Variants in CBFA2T2 observed in about 807,000 individuals in gnomAD.
CBFA2T2 encodes protein CBFA2T2.
In CBFA2T2, 11 loss-of-function variants were observed where a neutral mutation model predicts 62.2. That is an observed-to-expected ratio of 0.18 (90% CI 0.11 to 0.29). The LOEUF is 0.29. Ranked by LOEUF, CBFA2T2 falls within the 10% of genes least tolerant of loss-of-function variation. The pLI, the probability that CBFA2T2 is intolerant of heterozygous loss-of-function variation, is 1.00. For missense variants in CBFA2T2, 592 were observed against 774.1 expected, an observed-to-expected ratio of 0.76 and a Z score of 2.79; for synonymous variants, 295 against 287.5, an observed-to-expected ratio of 1.03 and a Z score of -0.27.
chr20:33,570,946 C>T (rs1437218144), intron 1 of CBFA2T2, among the ~76,000 whole-genome samples: 1 of 152,192 alleles, frequency 6.6e-6, no homozygotes, highest in Non-Finnish European at 1.5e-5. Flanking sequence ...TGGCAAATAA[C>T]CACAAGTGCT....
At chr20:33,615,541 C>G (rs779504645) in intron 3 of CBFA2T2, among the ~76,000 whole-genome samples, 2 of 152,186 alleles carry the variant, frequency 1.3e-5, no homozygotes, top group Admixed American at 6.5e-5. Context: ...AAGTCTCATT[C>G]TGGTTCAGAG....
At chr20:33,601,866 G>A (rs890173195) in intron 1 of CBFA2T2, 1 of 150,874 alleles carries the variant, frequency 6.6e-6, no homozygotes, top group Non-Finnish European at 1.5e-5. Flanking sequence ...GCACAGTGGT[G>A]TGATCACAGC....
intron 6 of CBFA2T2, among the ~76,000 whole-genome samples, chr20:33,625,818 A>C (rs1251417101): frequency 2.0e-5 from 3 of 152,106 alleles, no homozygotes; most frequent in African/African-American, 7.2e-5. Context: ...ATGAGGCAGG[A>C]GGGGCTGGGC....
In CBFA2T2 at chr20:33,546,981, A is replaced by C. The variant is rs1323662394; in HGVS notation, c.34+56680A>C. 4.0e-5 allele frequency among the ~76,000 whole-genome samples: 6 copies of C among 150,888 alleles called. No homozygotes were observed. In the East Asian group the frequency reaches 1.2e-3, roughly 30 times the overall value. Reference sequence around the variant, plus strand: ...TTTGGGAGGCCGAGGCGGGTGAATCATCTGAGGTCAGGAGTTCGAGACCAG... The same window carrying C: ...TTTGGGAGGCCGAGGCGGGTGAATCCTCTGAGGTCAGGAGTTCGAGACCAG... On this transcript the variant is annotated intron_variant, in intron 1 of 10. Transcript: ENST00000342704.
intron 1 of CBFA2T2, among the ~76,000 whole-genome samples, chr20:33,552,365 G>C (rs1019794570): frequency 6.6e-6 from 1 of 152,100 alleles, no homozygotes; most frequent in Non-Finnish European, 1.5e-5. Context: ...GGTGACACCT[G>C]GTCCTGTCTT....
chr20:33,585,323 G>A (rs188058820), intron 1 of CBFA2T2, among the ~76,000 whole-genome samples: 18 of 152,204 alleles, frequency 1.2e-4, no homozygotes, highest in Non-Finnish European at 2.1e-4. Context: ...TATCCCCATC[G>A]TGTCATCAGT....
chr20:33,517,924 G>C (rs185752558), intron 1 of CBFA2T2, among the ~76,000 whole-genome samples: 2 of 151,848 alleles, frequency 1.3e-5, no homozygotes, highest in South Asian at 2.1e-4. Context: ...GATTACAGGC[G>C]TGAGCCACCG....
chr20:33,623,922 C>CT (rs1406570795), intron 5 of CBFA2T2: 2 of 651,304 alleles, frequency 3.1e-6, no homozygotes, highest in Non-Finnish European at 5.5e-6. Context: ...ACAGTTCTGC[C>CT]TTTTCCTTGA....
chr20:33,558,823 T>TGC (rs561464574), intron 1 of CBFA2T2, among the ~76,000 whole-genome samples: 1 of 150,916 alleles, frequency 6.6e-6, no homozygotes, highest in African/African-American at 2.5e-5. Context: ...GCCAACTGTT[T>TGC]GGGGGGGCGG....
intron 1 of CBFA2T2, among the ~76,000 whole-genome samples, chr20:33,558,398 G>C (rs750708439): frequency 2.0e-5 from 3 of 152,118 alleles, no homozygotes; most frequent in Non-Finnish European, 4.4e-5. Context: ...CTCCCAAGGC[G>C]CTGGGACTAT....
At chr20:33,583,971 A>G (rs2014242799) in intron 1 of CBFA2T2, among the ~76,000 whole-genome samples, 1 of 151,984 alleles carries the variant, frequency 6.6e-6, no homozygotes. Context: ...TATTTGAGAC[A>G]GAATCTTGCT....
chr20:33,572,721 A>G lies in CBFA2T2; in HGVS notation c.35-34235A>G, dbSNP rs116804105. 5.3e-3 allele frequency among the ~76,000 whole-genome samples: 813 copies of G among 152,368 alleles called. 6 individuals carry two copies. Among genetic ancestry groups the G allele is most frequent in the African/African-American group, 0.018 (768 of 41,588 alleles). On this transcript the variant is annotated intron_variant, in intron 1 of 10. Coordinates refer to ENST00000342704, the MANE Select transcript of CBFA2T2 (RefSeq NM_001032999.3). The stretch of plus-strand genomic sequence containing the variant: ...AGAAGAGGGTAGAGAGACAGGAGAC[A>G]GAAGTTCATGTAGAGCTTTTAAAGC...
chr20:33,608,574 T>A (rs1038019574), intron 2 of CBFA2T2, among the ~76,000 whole-genome samples: 1 of 152,206 alleles, frequency 6.6e-6, no homozygotes, highest in Admixed American at 6.5e-5. Flanking sequence ...TTTTCTTAAA[T>A]TCTAATTTCT....
chr20:33,593,391 ATTTTT>A (rs754319345), intron 1 of CBFA2T2, among the ~76,000 whole-genome samples: 1 of 109,850 alleles, frequency 9.1e-6, no homozygotes, highest in Non-Finnish European at 1.8e-5. Context: ...TCTTGACTGG[ATTTTT>A]TTTTTTTTTT....
chr20:33,615,926 C>T (rs2015688204), intron 3 of CBFA2T2, among the ~76,000 whole-genome samples: 1 of 151,980 alleles, frequency 6.6e-6, no homozygotes, highest in Non-Finnish European at 1.5e-5. Flanking sequence ...AATAAACTTT[C>T]CTTAGCTGGC....
intron 1 of CBFA2T2, among the ~76,000 whole-genome samples, chr20:33,587,944 A>T (rs954144723): frequency 2.0e-5 from 3 of 152,218 alleles, no homozygotes; most frequent in Non-Finnish European, 4.4e-5. Flanking sequence ...GAAAATTTTG[A>T]TAGTGATAAA....
chr20:33,503,177 A>G (rs2011324898), intron 1 of CBFA2T2, among the ~76,000 whole-genome samples: 1 of 150,980 alleles, frequency 6.6e-6, no homozygotes. Context: ...TTCTTAATGG[A>G]CAGAGCTAGG....
chr20:33,583,784 G>A (rs1417807744), intron 1 of CBFA2T2, among the ~76,000 whole-genome samples: 1 of 152,072 alleles, frequency 6.6e-6, no homozygotes, highest in African/African-American at 2.4e-5. Context: ...GGGAGGCCAA[G>A]TGTCTCAAAA....
intron 1 of CBFA2T2, among the ~76,000 whole-genome samples, chr20:33,537,289 A>G (rs1456727087): frequency 2.6e-5 from 4 of 152,264 alleles, no homozygotes; most frequent in Admixed American, 2.6e-4. Flanking sequence ...GCTGGAGACC[A>G]GCCCGGCCAA....
Sources: allele counts gnomAD v4.1 joint callset (sites outside exome capture counted in the v4.1 genomes callset), GRCh38; gene constraint gnomAD v4.1.1; transcripts MANE v1.5; gene names NCBI Gene and HGNC (gene_info 2026-07-23, HGNC 2026-07-21).